SEMA3A: variants seen among roughly 807,000 people sequenced by gnomAD.
SEMA3A encodes semaphorin-3A.
In SEMA3A, 29 loss-of-function variants were observed where a neutral mutation model predicts 97.9. That is an observed-to-expected ratio of 0.30 (90% CI 0.22 to 0.40). The LOEUF (loss-of-function observed/expected upper bound fraction) is 0.40. Among genes scored for constraint, SEMA3A ranks in the 10% least tolerant of loss-of-function variants. The probability of loss-of-function intolerance (pLI) is 1.00; values close to 1 mark genes in which losing one functional copy is unlikely to be tolerated. For missense variants in SEMA3A, 763 were observed against 951.3 expected, an observed-to-expected ratio of 0.80 and a Z score of 2.60; for synonymous variants, 321 against 323.7, an observed-to-expected ratio of 0.99 and a Z score of 0.09.
intron 3 of SEMA3A, among the ~76,000 whole-genome samples, chr7:84,203,456 TCTC>T (rs1187953553): frequency 2.1e-5 from 3 of 145,484 alleles, no homozygotes; most frequent in East Asian, 2.0e-4. Context: ...TGTTCAGAAA[TCTC>T]CTAGTTTTAA....
intron 4 of SEMA3A, among the ~76,000 whole-genome samples, chr7:84,073,641 A>T (rs1201097990): frequency 2.6e-5 from 4 of 152,128 alleles, no homozygotes; most frequent in Admixed American, 6.6e-5. Flanking sequence ...GACAGGGATG[A>T]TTTAGAGACA....
chr7:84,472,094 A>G (rs1806168343), intron 1 of SEMA3A, among the ~76,000 whole-genome samples: 2 of 152,120 alleles, frequency 1.3e-5, no homozygotes, highest in Admixed American at 1.3e-4. Context: ...TGTCCAGTCT[A>G]TAATAAAATA....
At chr7:84,069,221 C>T (rs1793653799) in intron 4 of SEMA3A, among the ~76,000 whole-genome samples, 1 of 152,142 alleles carries the variant, frequency 6.6e-6, no homozygotes, top group Admixed American at 6.6e-5. Flanking sequence ...TCGGGCAGAA[C>T]TGGGTGTTAT....
At chr7:84,272,106 G>GA (rs1420267199) in intron 3 of SEMA3A, among the ~76,000 whole-genome samples, 1 of 151,658 alleles carries the variant, frequency 6.6e-6, no homozygotes, top group Non-Finnish European at 1.5e-5. Context: ...GTAATCAATG[G>GA]AAAAAATAAC....
At chr7:84,112,182 G>A (rs1263809876) in intron 3 of SEMA3A, among the ~76,000 whole-genome samples, 1 of 152,120 alleles carries the variant, frequency 6.6e-6, no homozygotes, top group Non-Finnish European at 1.5e-5. Flanking sequence ...GAAACACATA[G>A]GTGGCCACAT....
chr7:84,246,506 A>G (rs1418942926), intron 3 of SEMA3A, among the ~76,000 whole-genome samples: 1 of 152,196 alleles, frequency 6.6e-6, no homozygotes, highest in African/African-American at 2.4e-5. Context: ...TTAAAATAAG[A>G]CAGAGGTTAT....
At chr7:84,050,890 G>A (rs890974663) in intron 5 of SEMA3A, among the ~76,000 whole-genome samples, 4 of 151,334 alleles carry the variant, frequency 2.6e-5, no homozygotes, top group African/African-American at 9.7e-5. Flanking sequence ...TTTTGTATAA[G>A]GTGTAAGGAA....
intron 3 of SEMA3A, among the ~76,000 whole-genome samples, chr7:84,223,244 A>G (rs1243553272): frequency 6.6e-6 from 1 of 151,862 alleles, no homozygotes; most frequent in Non-Finnish European, 1.5e-5. Context: ...AAGAAAAACC[A>G]TCAGAGTAGT....
At chr7:84,090,119 A>G (rs2115842743) in intron 4 of SEMA3A, among the ~76,000 whole-genome samples, 1 of 152,284 alleles carries the variant, frequency 6.6e-6, no homozygotes, top group Middle Eastern at 3.4e-3. Flanking sequence ...ACAAAATATT[A>G]TACAAGATAG....
chr7:84,282,081 C>T lies in SEMA3A; in HGVS notation c.-83+25126G>A, dbSNP rs571710804. Among the ~76,000 whole-genome samples the T allele has an allele frequency of 2.6e-5, 4 of 152,244 alleles. No homozygotes were observed. The East Asian group carries it at 5.8e-4, about 22-fold the overall frequency. On this transcript the variant is annotated intron_variant, in intron 3 of 3. Coordinates refer to the SEMA3A transcript ENST00000424555. ...TCACCTGAGCCCTTAACTGCACCAA[C>T]GTTGCACTGACAAAGATGATGTATA...
At chr7:84,417,782 T>TG (rs1195869138) in intron 1 of SEMA3A, among the ~76,000 whole-genome samples, 1 of 152,040 alleles carries the variant, frequency 6.6e-6, no homozygotes, top group Non-Finnish European at 1.5e-5. Flanking sequence ...ATTTTTTTCA[T>TG]GGGGGTTGGA....
intron 1 of SEMA3A, among the ~76,000 whole-genome samples, chr7:84,151,015 C>T (rs1796641595): frequency 6.7e-6 from 1 of 148,904 alleles, no homozygotes; most frequent in Admixed American, 6.7e-5. Flanking sequence ...TCCAACAGAC[C>T]TGCAGCTGAG....
chr7:84,229,563 A>T (rs900180058), intron 3 of SEMA3A, among the ~76,000 whole-genome samples: 2 of 152,120 alleles, frequency 1.3e-5, no homozygotes, highest in Non-Finnish European at 2.9e-5. Flanking sequence ...TACCATAATG[A>T]AATCTTATGG....
At chr7:84,239,958 T>C (rs1023209897) in intron 3 of SEMA3A, among the ~76,000 whole-genome samples, 26 of 152,176 alleles carry the variant, frequency 1.7e-4, no homozygotes, top group African/African-American at 5.8e-4. Flanking sequence ...GTCAGACTAA[T>C]GTTAGAAGAA....
chr7:84,051,094 G>T lies in SEMA3A; in HGVS notation c.548-4651C>A, dbSNP rs534686536. ...ATCTCTGTTTTGGTACCAGTACCAT[G>T]CTGTTTTGGTTACTGTAGCCTTGTA... On this transcript the variant is annotated intron_variant, in intron 5 of 16. Coordinates refer to ENST00000265362, the MANE Select transcript of SEMA3A (RefSeq NM_006080.3). Among the ~76,000 whole-genome samples, 270 of 151,064 alleles carry T rather than the reference G, an allele frequency of 1.8e-3. 3 individuals are homozygous for T. The highest frequency in any genetic ancestry group is 6.3e-3 in the African/African-American group (258 of 41,208).
chr7:84,012,746 C>A (rs900924829), intron 7 of SEMA3A, among the ~76,000 whole-genome samples: 38 of 152,094 alleles, frequency 2.5e-4, no homozygotes, highest in Admixed American at 7.9e-4. Flanking sequence ...ACTGATTTAA[C>A]CTAAGCAAAG....
chr7:84,007,093 T>C (rs1344565777), intron 10 of SEMA3A, among the ~76,000 whole-genome samples: 1 of 152,170 alleles, frequency 6.6e-6, no homozygotes, highest in East Asian at 1.9e-4. Context: ...TAGAAATGTG[T>C]GGTCAAAAAT....
At chr7:84,455,697 T>C (rs1805669796) in intron 1 of SEMA3A, among the ~76,000 whole-genome samples, 1 of 151,960 alleles carries the variant, frequency 6.6e-6, no homozygotes, top group African/African-American at 2.4e-5. Context: ...CAATTAAGAG[T>C]ATTCTTAAGT....
intron 2 of SEMA3A, among the ~76,000 whole-genome samples, chr7:84,359,600 C>CT: frequency 6.6e-6 from 1 of 151,988 alleles, no homozygotes; most frequent in Admixed American, 6.6e-5. Context: ...CTACAATTCT[C>CT]TTTTTTGTGG....
Sources: gnomAD v4.1 joint callset for allele counts (sites outside exome capture counted in the v4.1 genomes callset) on GRCh38, gnomAD v4.1.1 for gene constraint, MANE v1.5 for transcripts, NCBI Gene and HGNC (gene_info 2026-07-23, HGNC 2026-07-21) for gene names.